PPFIA2: variants seen among roughly 807,000 people sequenced by gnomAD.
The protein encoded by PPFIA2 is PPFI scaffold protein A2.
Under a neutral mutation model 175.5 loss-of-function variants are expected in PPFIA2, and 46 were observed. That is an observed-to-expected ratio of 0.26 (90% CI 0.21 to 0.34). The LOEUF (loss-of-function observed/expected upper bound fraction) is 0.34, where lower values mean the gene tolerates loss of function less well. Ranked by LOEUF, PPFIA2 falls within the 10% of genes least tolerant of loss-of-function variation. PPFIA2 has a pLI of 1.00. For missense variants in PPFIA2, 1,179 were observed against 1,506.1 expected, an observed-to-expected ratio of 0.78 and a Z score of 3.60; for synonymous variants, 568 against 511.4, an observed-to-expected ratio of 1.11 and a Z score of -1.49.
chr12:81,368,899 T>C, intron 12 of PPFIA2, 43 bp from the exon 13 acceptor site: 3 of 1,571,262 alleles, frequency 1.9e-6, no homozygotes, highest in East Asian at 2.3e-5. Context: ...TCAAAAACTG[T>C]TTGAGATTAT....
intron 24 of PPFIA2, chr12:81,293,032 T>G (rs1206955952): frequency 6.6e-6 from 1 of 152,008 alleles, no homozygotes; most frequent in Non-Finnish European, 1.5e-5. Flanking sequence ...AAACAAACTA[T>G]TCACAACTGT....
At chr12:81,399,203 C>T (rs1566651917) in intron 8 of PPFIA2, among the ~76,000 whole-genome samples, 1 of 150,362 alleles carries the variant, frequency 6.7e-6, no homozygotes, top group African/African-American at 2.5e-5. Flanking sequence ...ACAAAATGAA[C>T]CCTCCAATTA....
intron 22 of PPFIA2, among the ~76,000 whole-genome samples, chr12:81,311,625 C>T (rs1039259643): frequency 9.4e-5 from 14 of 148,324 alleles, no homozygotes; most frequent in African/African-American, 1.7e-4. Flanking sequence ...CCCAGCTACT[C>T]GGGAGGCTGA....
At chr12:81,523,323 C>A (rs2153257807) in intron 4 of PPFIA2, among the ~76,000 whole-genome samples, 1 of 151,288 alleles carries the variant, frequency 6.6e-6, no homozygotes, top group South Asian at 2.1e-4. Flanking sequence ...ACTACATCTT[C>A]CTTAGAATTG....
At chr12:81,739,642 CTT>C (rs1031875983) in intron 3 of PPFIA2, among the ~76,000 whole-genome samples, 3 of 151,804 alleles carry the variant, frequency 2.0e-5, no homozygotes, top group African/African-American at 4.8e-5. Flanking sequence ...CTTATAAACT[CTT>C]ATAAGAATTA....
chr12:81,679,361 T>G (rs1480223511), intron 3 of PPFIA2, among the ~76,000 whole-genome samples: 3 of 151,930 alleles, frequency 2.0e-5, no homozygotes, highest in East Asian at 1.9e-4. Flanking sequence ...ATATAAATTT[T>G]AATGAAGCTA....
chr12:81,497,044 G>T (rs886191718), intron 4 of PPFIA2, among the ~76,000 whole-genome samples: 1 of 152,124 alleles, frequency 6.6e-6, no homozygotes, highest in Non-Finnish European at 1.5e-5. Context: ...GTAATAAAAA[G>T]TTGTCATAAT....
chr12:81,360,882 A>G (rs552647123), intron 15 of PPFIA2, among the ~76,000 whole-genome samples: 1 of 151,658 alleles, frequency 6.6e-6, no homozygotes, highest in African/African-American at 2.4e-5. Context: ...GTCTTATTTT[A>G]TCTGCAAACC....
intron 4 of PPFIA2, among the ~76,000 whole-genome samples, chr12:81,500,374 C>A (rs2060468836): frequency 6.6e-6 from 1 of 152,136 alleles, no homozygotes; most frequent in South Asian, 2.1e-4. Flanking sequence ...ACACAAAAAA[C>A]ACTTCATAAA....
chr12:81,667,824 G>A (rs898363805), intron 4 of PPFIA2, among the ~76,000 whole-genome samples: 6 of 152,008 alleles, frequency 3.9e-5, no homozygotes, highest in Admixed American at 1.3e-4. Flanking sequence ...TTATTTAACA[G>A]AGAACTTTTC....
chr12:81,690,908 A>G (rs2075163533), intron 3 of PPFIA2, among the ~76,000 whole-genome samples: 1 of 151,992 alleles, frequency 6.6e-6, no homozygotes, highest in Admixed American at 6.6e-5. Context: ...CTCTAGTTCT[A>G]TGTTCACATC....
At chr12:81,558,644 A>T (rs1324591901) in intron 4 of PPFIA2, among the ~76,000 whole-genome samples, 1 of 152,132 alleles carries the variant, frequency 6.6e-6, no homozygotes, top group East Asian at 1.9e-4. Flanking sequence ...ACAGTCTCTC[A>T]AAGGATTTGT....
intron 4 of PPFIA2, among the ~76,000 whole-genome samples, chr12:81,461,713 T>G (rs190794408): frequency 1.9e-3 from 295 of 152,192 alleles, no homozygotes; most frequent in African/African-American, 6.8e-3. Context: ...GTGAAACATT[T>G]CTCTTTCCTG....
chr12:81,523,096 T>C (rs1183647516), intron 4 of PPFIA2, among the ~76,000 whole-genome samples: 2 of 152,170 alleles, frequency 1.3e-5, no homozygotes, highest in Non-Finnish European at 2.9e-5. Context: ...CTTGCCACTA[T>C]TTCATTGGCG....
At chr12:81,511,842 G>A (rs149566415) in intron 4 of PPFIA2, among the ~76,000 whole-genome samples, 1 of 151,874 alleles carries the variant, frequency 6.6e-6, no homozygotes, top group East Asian at 1.9e-4. Flanking sequence ...ATTTCTACAG[G>A]AAGCAGACAG....
At chr12:81,367,049 A>C in intron 14 of PPFIA2, 59 bp downstream of exon 14, 1 of 1,401,140 alleles carries the variant, frequency 7.1e-7, no homozygotes, top group South Asian at 1.5e-5. Flanking sequence ...CAAAACATTC[A>C]TCAGTGGAAT....
At chr12:81,452,201 A>T (rs976769396) in intron 5 of PPFIA2, among the ~76,000 whole-genome samples, 2 of 152,180 alleles carry the variant, frequency 1.3e-5, no homozygotes, top group Middle Eastern at 3.2e-3. Flanking sequence ...GGCCCAGGTA[A>T]TCTAAATCTT....
chr12:81,649,733 T>G (rs530056415), intron 4 of PPFIA2, among the ~76,000 whole-genome samples: 4 of 152,324 alleles, frequency 2.6e-5, no homozygotes, highest in African/African-American at 7.2e-5. Flanking sequence ...TATTTTACAC[T>G]ACTGATACCG....
chr12:81,705,068 G>C lies in PPFIA2; in HGVS notation c.250-28224C>G, dbSNP rs571500620. Reference sequence around the variant, plus strand: ...CATTGCACTCCAACCTGGGCAACAAGAGTGAAACTCTGTCTAAAAAAAAAA... The same window carrying C: ...CATTGCACTCCAACCTGGGCAACAACAGTGAAACTCTGTCTAAAAAAAAAA... On this transcript the variant is annotated intron_variant, in intron 3 of 32. Coordinates refer to ENST00000549396, the MANE Select transcript of PPFIA2 (RefSeq NM_003625.5). Among the ~76,000 whole-genome samples the C allele has an allele frequency of 3.7e-3, 341 of 92,658 alleles. 1 individual carries two copies. The highest frequency in any genetic ancestry group is 0.013 in the African/African-American group (320 of 23,756). The allele number at this position is 92,658 out of a possible 152,430, so 60.8% of individuals were successfully genotyped here.
Sources: gnomAD v4.1 joint callset for allele counts (sites outside exome capture counted in the v4.1 genomes callset) on GRCh38, gnomAD v4.1.1 for gene constraint, MANE v1.5 for transcripts, NCBI Gene and HGNC (gene_info 2026-07-23, HGNC 2026-07-21) for gene names.